The following RPH3AL variants were observed in gnomAD, a reference collection of about 807,000 sequenced individuals.
RPH3AL encodes rab effector Noc2.
Under a neutral mutation model 43.1 loss-of-function variants are expected in RPH3AL, and 38 were observed. The ratio of observed to expected loss-of-function variants is 0.88; its 90% CI spans 0.68 to 1.15. The LOEUF is 1.15. RPH3AL is among the 50% of genes most tolerant of loss of function. The pLI, the probability that RPH3AL is intolerant of heterozygous loss-of-function variation, is 0.00. For synonymous variants in RPH3AL, 189 were observed against 176.3 expected (o/e 1.07, Z -0.57); for missense variants, 462 against 423.2 (o/e 1.09, Z -0.81).
At position 215,444 on chromosome 17, in the gene RPH3AL, G is replaced by A. The variant is rs2040773713; in HGVS notation, c.876+210C>T. Among the ~76,000 whole-genome samples, 2 of 152,212 alleles carry A rather than the reference G, an allele frequency of 1.3e-5. No individual in the cohort carries two copies. On this transcript the variant is annotated intron_variant, in intron 9 of 9. Coordinates refer to ENST00000331302, the MANE Select transcript of RPH3AL (RefSeq NM_006987.4). The surrounding 1 kb of genome is among the most constrained non-coding windows in gnomAD (Gnocchi z 4.1). ...TGCTGTGATTACCGAGAGTGGCTAGGGATGGCTACCATTATCATTCTGGGT... is the reference window on the plus strand; with the variant it reads ...TGCTGTGATTACCGAGAGTGGCTAGAGATGGCTACCATTATCATTCTGGGT...
intron 5 of RPH3AL, among the ~76,000 whole-genome samples, chr17:312,525 C>T (rs2043670250): frequency 6.6e-6 from 1 of 152,210 alleles, no homozygotes. Flanking sequence ...TCTGAGCTGA[C>T]TATGACACGG....
At position 213,896 on chromosome 17, in the gene RPH3AL, C is replaced by T. The variant is rs758708385; in HGVS notation, c.904G>A (p.Ala302Thr). 8.9e-5 allele frequency: 144 copies of T among 1,613,300 alleles called. No homozygotes were observed. The highest frequency in any genetic ancestry group is 5.1e-4 in the Middle Eastern group (3 of 5,930). The change falls in exon 10 of 10, where the codon GCT becomes ACT. Residue 302 changes from alanine to threonine, a missense_variant. Coordinates refer to ENST00000331302, the MANE Select transcript of RPH3AL (RefSeq NM_006987.4). ...PVKDTPGRAP[A>T]ADAAPAGPSS... The stretch of plus-strand genomic sequence containing the variant: ...GGGCCTGCTGGAGCTGCGTCAGCAG[C>T]GGGGGCTCGTCCAGGTGTGTCTTTT...
chr17:327,568 G>T lies in RPH3AL; in HGVS notation c.-25C>A, dbSNP rs67434950. 634,002 of 1,609,900 alleles carry T rather than the reference G, an allele frequency of 0.39. 131,824 individuals carry two copies. Among genetic ancestry groups the T allele is most frequent in the Non-Finnish European group, 0.44 (512,278 of 1,177,402 alleles). ...TGGCTCGGAGCACCCGGCTGGGGGT[G>T]GGGAGTCACATCTGAGATGAAGGAG... is the stretch of plus-strand genomic sequence containing the variant. On this transcript the variant is annotated 5_prime_UTR_variant, in exon 3 of 10. Transcript: ENST00000331302.
At chr17:326,350 T>A (rs28438892) in intron 3 of RPH3AL, among the ~76,000 whole-genome samples, 39,017 of 152,076 alleles carry the variant, frequency 0.26, 5,416 homozygotes, top group African/African-American at 0.37. Context: ...CTAATTGCAA[T>A]TTTTTTTAAT....
intron 1 of RPH3AL, among the ~76,000 whole-genome samples, chr17:334,401 C>G (rs2044883403): frequency 6.6e-6 from 1 of 152,258 alleles, no homozygotes; most frequent in Non-Finnish European, 1.5e-5. Context: ...TCTAGCCCGT[C>G]CACTGCGGGG....
Position 215,665 on chromosome 17 carries a change from G to A in RPH3AL, c.865C>T (p.Arg289Ter), listed in dbSNP as rs200217063. ...PPGGPRPGLTRRAPVKDTPGR... is the reference protein window; with the variant it reads ...PPGGPRPGLT ...AGTTGGGTACTCACCGGGGCCCTTC[G>A]GGTCAGCCCGGGGCGGGGTCCCCCT... The change falls in exon 9 of 10, where the codon CGA becomes TGA. Residue 289 changes from arginine (R) to a stop codon, truncating the protein, a stop_gained. Coordinates refer to ENST00000331302, the MANE Select transcript of RPH3AL (RefSeq NM_006987.4). LOFTEE classifies it high-confidence loss of function. The surrounding 1 kb of genome is among the most constrained non-coding windows in gnomAD (Gnocchi z 4.1). 4.4e-5 allele frequency: 56 copies of A among 1,276,618 alleles called. 1 individual carries two copies. Among genetic ancestry groups the A allele is most frequent in the South Asian group, 3.6e-4 (11 of 30,498 alleles). 79.1% of individuals were successfully genotyped at this position (1,276,618 alleles called of 1,614,324 possible).
chr17:331,874 CA>C (rs1164012696), intron 2 of RPH3AL: 3 of 1,288,896 alleles, frequency 2.3e-6, no homozygotes, highest in Non-Finnish European at 3.0e-6. Flanking sequence ...CAGGTATGAC[CA>C]TTTGTCCTGG....
At chr17:233,382 T>G (rs4890197) in intron 7 of RPH3AL, among the ~76,000 whole-genome samples, 126,760 of 152,114 alleles carry the variant, frequency 0.83, 53,011 homozygotes, top group South Asian at 0.87. Flanking sequence ...AGAGGAAAAA[T>G]GACTTCCAAC....
At chr17:319,622 G>A (rs894508925) in intron 4 of RPH3AL, 73 bp from the exon 5 acceptor site, 224 of 1,565,582 alleles carry the variant, frequency 1.4e-4, no homozygotes, top group Non-Finnish European at 8.2e-5. Flanking sequence ...GCCCGAAACC[G>A]TACCATGCCA....
rs56325733 is a variant in RPH3AL at position 272,994 on chromosome 17, G to A, written c.438+8774C>T. Among the ~76,000 whole-genome samples, 300 of 49,078 alleles carry A rather than the reference G, an allele frequency of 6.1e-3. 7 individuals are homozygous for A. Among genetic ancestry groups the A allele is most frequent in the African/African-American group, 0.014 (235 of 16,468 alleles). 32.2% of individuals were successfully genotyped at this position (49,078 alleles called of 152,430 possible). ...AGACCCCAGCAAGGGCTACGTCAGG[G>A]TGAGACCCCAGCGAGGGCGACATCA... On this transcript the variant is annotated intron_variant, in intron 6 of 9. Coordinates refer to ENST00000331302, the MANE Select transcript of RPH3AL (RefSeq NM_006987.4).
chr17:218,584 G>A (rs1319655797), intron 8 of RPH3AL, among the ~76,000 whole-genome samples: 1 of 151,900 alleles, frequency 6.6e-6, no homozygotes, highest in South Asian at 2.1e-4. Context: ...TCCCAGTTCC[G>A]ACCTGTGGAG....
At chr17:311,044 C>T (rs1168625944) in intron 5 of RPH3AL, among the ~76,000 whole-genome samples, 2 of 152,014 alleles carry the variant, frequency 1.3e-5, no homozygotes, top group African/African-American at 4.8e-5. Context: ...ATTCACTGCT[C>T]AAATGCAGCT....
intron 6 of RPH3AL, among the ~76,000 whole-genome samples, chr17:262,228 T>A (rs1555546458): frequency 6.7e-6 from 1 of 148,528 alleles, no homozygotes; most frequent in South Asian, 2.1e-4. Context: ...ATGTTTACAG[T>A]TTTTTTTTTA....
Position 281,836 on chromosome 17 carries a change from C to A in RPH3AL, c.370G>T (p.Gly124Trp). The change falls in exon 6 of 10, where the codon GGG becomes TGG. Residue 124 changes from glycine to tryptophan, a missense_variant. Transcript: ENST00000331302. ...TTCTGGCCAGGGGAGGCCTCGATCC[C>A]ACATTTGGTGCAGACTTTCTACAAG... ...DCRKKVCTKC[G>W]IEASPGQKRP... 1 of 1,613,962 alleles carries A rather than the reference C, an allele frequency of 6.2e-7. No individual in the cohort carries two copies. Among genetic ancestry groups the A allele is most frequent in the Non-Finnish European group, 8.5e-7 (1 of 1,179,964 alleles).
At chr17:292,203 A>AAGCTCAGCCC (rs2098095984) in intron 5 of RPH3AL, among the ~76,000 whole-genome samples, 2 of 152,124 alleles carry the variant, frequency 1.3e-5, no homozygotes, top group Non-Finnish European at 2.9e-5. Context: ...CTCCGATCAT[A>AAGCTCAGCCC]AGCTCAGCCC....
At chr17:278,500 G>A (rs2042709865) in intron 6 of RPH3AL, among the ~76,000 whole-genome samples, 2 of 151,954 alleles carry the variant, frequency 1.3e-5, no homozygotes, top group Non-Finnish European at 2.9e-5. Flanking sequence ...ATCTGCCTCG[G>A]GGCCTTTGCA....
chr17:321,549 G>GGGCAGCAGAGATGGCCCAGGT, intron 3 of RPH3AL, 134 bp from the exon 4 acceptor site: 10 of 999,506 alleles, frequency 1.0e-5, no homozygotes, highest in Admixed American at 7.0e-5. Context: ...CGACGAGCGC[G>GGGCAGCAGAGATGGCCCAGGT]GGCAGCAGAG....
intron 6 of RPH3AL, among the ~76,000 whole-genome samples, chr17:270,552 A>T (rs566144750): frequency 6.6e-6 from 1 of 152,224 alleles, no homozygotes; most frequent in South Asian, 2.1e-4. Flanking sequence ...GTTGGAGAGG[A>T]TTTAAAAACC....
chr17:276,070 C>G (rs1005640083), intron 6 of RPH3AL, among the ~76,000 whole-genome samples: 1 of 152,146 alleles, frequency 6.6e-6, no homozygotes, highest in African/African-American at 2.4e-5. Context: ...AACCTCGTCT[C>G]CAGGACAGTT....
Sources: gnomAD v4.1 joint callset for allele counts (sites outside exome capture counted in the v4.1 genomes callset) on GRCh38, gnomAD v4.1.1 for gene constraint, Gnocchi (gnomAD v3.1) non-coding constraint, MANE v1.5 for transcripts, NCBI Gene and HGNC (gene_info 2026-07-23, HGNC 2026-07-21) for gene names.